The following STARD13 variants were observed in gnomAD, a reference collection of about 807,000 sequenced individuals.
The protein encoded by STARD13 is stAR-related lipid transfer protein 13.
A neutral mutation model predicts 106.4 loss-of-function variants in STARD13; 62 were observed. That is an observed-to-expected ratio of 0.58 (90% CI 0.48 to 0.72). The LOEUF (loss-of-function observed/expected upper bound fraction) is 0.72, where lower values mean the gene tolerates loss of function less well. Among genes scored for constraint, STARD13 ranks in the 30% least tolerant of loss-of-function variants. STARD13 has a pLI of 0.00. For synonymous variants in STARD13, 565 were observed against 553.0 expected (o/e 1.02, Z -0.31); for missense variants, 1,387 against 1,424.0 (o/e 0.97, Z 0.42).
chr13:33,481,268 G>T, the STARD13 span, among the ~76,000 whole-genome samples: 1 of 151,942 alleles, frequency 6.6e-6, no homozygotes, highest in Non-Finnish European at 1.5e-5. Flanking sequence ...CAAATATACT[G>T]CACTAATTCT....
chr13:33,261,627 C>T (rs1413729437), intron 1 of STARD13, among the ~76,000 whole-genome samples: 1 of 151,956 alleles, frequency 6.6e-6, no homozygotes, highest in African/African-American at 2.4e-5. Context: ...ACCCCATAGC[C>T]CAGAATAACC....
At chr13:33,254,678 C>A (rs928191225) in intron 1 of STARD13, among the ~76,000 whole-genome samples, 3 of 152,254 alleles carry the variant, frequency 2.0e-5, no homozygotes, top group Admixed American at 6.5e-5. Flanking sequence ...GAGACAAGCA[C>A]ACGAACTGTG....
At chr13:33,499,922 G>A in the STARD13 span, among the ~76,000 whole-genome samples, 11 of 151,456 alleles carry the variant, frequency 7.3e-5, no homozygotes, top group Admixed American at 2.6e-4. Flanking sequence ...CTGCTGCTGT[G>A]CCCAGCAAAT....
chr13:33,464,685 C>G, the STARD13 span, among the ~76,000 whole-genome samples: 1 of 152,142 alleles, frequency 6.6e-6, no homozygotes, highest in Non-Finnish European at 1.5e-5. Flanking sequence ...CTGGTCTCTA[C>G]TAAAAATACA....
intron 1 of STARD13, among the ~76,000 whole-genome samples, chr13:33,256,345 C>T (rs1466456839): frequency 6.6e-6 from 1 of 152,204 alleles, no homozygotes; most frequent in Admixed American, 6.5e-5. Context: ...CTCCTCCAGC[C>T]CTACAGTCAG....
At chr13:33,545,479 C>T in the STARD13 span, among the ~76,000 whole-genome samples, 9 of 152,312 alleles carry the variant, frequency 5.9e-5, no homozygotes, top group Middle Eastern at 3.4e-3. Context: ...GTAAAGGACA[C>T]TTCATTAGTA....
intron 13 of STARD13, among the ~76,000 whole-genome samples, 155 bp from the exon 14 acceptor site, chr13:33,105,865 C>T (rs759252485): frequency 1.3e-5 from 2 of 152,260 alleles, no homozygotes; most frequent in Non-Finnish European, 2.9e-5. Context: ...GTCATTCTGC[C>T]ATCAGGGGCC....
chr13:33,661,856 G>C, the STARD13 span, among the ~76,000 whole-genome samples: 1 of 151,312 alleles, frequency 6.6e-6, no homozygotes, highest in Non-Finnish European at 1.5e-5. Flanking sequence ...CTACGTATGG[G>C]AGGGCAAGGG....
At chr13:33,323,043 A>G (rs968618335) in intron 1 of STARD13, among the ~76,000 whole-genome samples, 1 of 152,192 alleles carries the variant, frequency 6.6e-6, no homozygotes, top group African/African-American at 2.4e-5. Context: ...TGAAATCTCC[A>G]TATTTTTTCC....
intron 1 of STARD13, among the ~76,000 whole-genome samples, chr13:33,226,247 C>A (rs1046439905): frequency 6.6e-6 from 1 of 152,168 alleles, no homozygotes; most frequent in Non-Finnish European, 1.5e-5. Context: ...AAGCTCCAAG[C>A]AGTTTCTTCT....
chr13:33,169,492 C>T (rs1419089160), intron 1 of STARD13, among the ~76,000 whole-genome samples: 5 of 152,106 alleles, frequency 3.3e-5, no homozygotes, highest in African/African-American at 4.8e-5. Flanking sequence ...ATTTGCTTCC[C>T]GCTCCCATAT....
chr13:33,435,580 A>G, the STARD13 span, among the ~76,000 whole-genome samples: 13 of 152,206 alleles, frequency 8.5e-5, no homozygotes, highest in African/African-American at 3.1e-4. Flanking sequence ...ATATATAGCC[A>G]TAGGAAATCA....
chr13:33,452,084 CAGG>C, the STARD13 span, among the ~76,000 whole-genome samples: 2 of 152,116 alleles, frequency 1.3e-5, no homozygotes, highest in African/African-American at 2.4e-5. Flanking sequence ...TAGAGGAGAT[CAGG>C]AGATCTCAGT....
At chr13:33,671,729 CTAAA>C in the STARD13 span, among the ~76,000 whole-genome samples, 2 of 151,260 alleles carry the variant, frequency 1.3e-5, no homozygotes, top group Non-Finnish European at 2.9e-5. Flanking sequence ...GACCCTGTCT[CTAAA>C]TAAATAAATA....
the STARD13 span, among the ~76,000 whole-genome samples, chr13:33,552,050 A>T: frequency 1.3e-5 from 2 of 152,210 alleles, no homozygotes; most frequent in Non-Finnish European, 2.9e-5. Flanking sequence ...AATACTTGAG[A>T]CAAAGAGTAC....
intron 1 of STARD13, among the ~76,000 whole-genome samples, chr13:33,263,415 G>A (rs928781520): frequency 6.6e-6 from 1 of 152,104 alleles, no homozygotes; most frequent in Non-Finnish European, 1.5e-5. Context: ...AAGGATTCAG[G>A]AGCAGCAAAG....
At position 33,129,084 on chromosome 13, in the gene STARD13, C is replaced by T; in HGVS notation, c.1593G>A (p.Gln531=). 1 of 1,614,130 alleles carries T rather than the reference C, an allele frequency of 6.2e-7. No homozygotes were observed. The highest frequency in any genetic ancestry group is 8.5e-7 in the Non-Finnish European group (1 of 1,180,026). ...PGLSTFPSPN[Q]ITLDFEGNSV... is the part of the protein sequence containing the mutation. ...AGTTACCTTCAAAATCTAAGGTGAT[C>T]TGATTAGGAGATGGAAAGGTGGATA... Residue 531 remains glutamine (Q), a synonymous_variant, in exon 5 of 14, where the codon CAG becomes CAA. Transcript: ENST00000336934.
At chr13:33,501,019 A>G in the STARD13 span, among the ~76,000 whole-genome samples, 1 of 150,020 alleles carries the variant, frequency 6.7e-6, no homozygotes, top group Non-Finnish European at 1.5e-5. Context: ...TAAAAAAAAA[A>G]ACCTAAAAAA....
the STARD13 span, among the ~76,000 whole-genome samples, chr13:33,420,694 G>A: frequency 0.16 from 23,750 of 152,006 alleles, 4,437 homozygotes; most frequent in African/African-American, 0.44. Flanking sequence ...AATTGACCAC[G>A]TAGTTGGAAG....
Sources: allele counts gnomAD v4.1 joint callset (sites outside exome capture counted in the v4.1 genomes callset), GRCh38; gene constraint gnomAD v4.1.1; transcripts MANE v1.5; gene names NCBI Gene and HGNC (gene_info 2026-07-23, HGNC 2026-07-21).